Variants in SPMIP2 observed in about 807,000 individuals in gnomAD.
The protein encoded by SPMIP2 is protein SPMIP2.
At chr4:158,986,788 A>C in the SPMIP2 span, among the ~76,000 whole-genome samples, 1 of 151,960 alleles carries the variant, frequency 6.6e-6, no homozygotes, top group African/African-American at 2.4e-5. Context: ...AATGGGATCT[A>C]ATCAAACTAA....
chr4:159,024,318 T>G, the SPMIP2 span, among the ~76,000 whole-genome samples: 11 of 152,206 alleles, frequency 7.2e-5, no homozygotes, highest in Non-Finnish European at 1.3e-4. Context: ...ATATCTTTGG[T>G]CAAAGGGGGC....
the SPMIP2 span, among the ~76,000 whole-genome samples, chr4:158,898,465 C>T: frequency 6.6e-6 from 1 of 152,132 alleles, no homozygotes; most frequent in Non-Finnish European, 1.5e-5. Flanking sequence ...TCTTCCTATC[C>T]ATGAGCATGG....
the SPMIP2 span, among the ~76,000 whole-genome samples, chr4:158,952,310 G>T: frequency 1.3e-5 from 2 of 152,176 alleles, no homozygotes; most frequent in African/African-American, 4.8e-5. Context: ...CCCACATGTT[G>T]TGGGAAGGAC....
the SPMIP2 span, among the ~76,000 whole-genome samples, chr4:159,076,976 C>T: frequency 2.0e-5 from 3 of 152,034 alleles, no homozygotes; most frequent in South Asian, 4.1e-4. Context: ...TCTGGGATTA[C>T]AGGCACCTGC....
chr4:158,986,852 A>G, the SPMIP2 span, among the ~76,000 whole-genome samples: 9 of 146,114 alleles, frequency 6.2e-5, no homozygotes, highest in Admixed American at 2.1e-4. Flanking sequence ...GCAACCTACA[A>G]AATGGGAGAA....
At chr4:158,949,680 A>G in the SPMIP2 span, among the ~76,000 whole-genome samples, 1 of 152,152 alleles carries the variant, frequency 6.6e-6, no homozygotes, top group Non-Finnish European at 1.5e-5. Flanking sequence ...CATCTCCTTT[A>G]TTACTTACTT....
the SPMIP2 span, chr4:158,915,439 C>T: frequency 1.6e-5 from 20 of 1,234,118 alleles, 1 homozygote; most frequent in South Asian, 3.0e-4. Flanking sequence ...TGAGATTTGT[C>T]TGTTTTTCTA....
At chr4:158,902,803 C>CTCAAG in the SPMIP2 span, among the ~76,000 whole-genome samples, 2 of 152,216 alleles carry the variant, frequency 1.3e-5, no homozygotes, top group East Asian at 3.9e-4. Flanking sequence ...AAACCGCTTA[C>CTCAAG]TCAAGTCTCA....
At chr4:158,952,474 T>C in the SPMIP2 span, among the ~76,000 whole-genome samples, 12 of 152,226 alleles carry the variant, frequency 7.9e-5, no homozygotes, top group African/African-American at 2.2e-4. Context: ...TCCCCAGCCA[T>C]GTGGAACTAA....
chr4:158,947,544 C>G, the SPMIP2 span, among the ~76,000 whole-genome samples: 2 of 152,188 alleles, frequency 1.3e-5, no homozygotes, highest in East Asian at 3.8e-4. Flanking sequence ...GCCCTAACTA[C>G]TAACATTCCT....
At chr4:158,895,966 G>A in the SPMIP2 span, 2 of 802,238 alleles carry the variant, frequency 2.5e-6, no homozygotes, top group African/African-American at 3.4e-5. Context: ...CTCAGGCCCT[G>A]GTAACCCATC....
chr4:159,053,864 G>A, the SPMIP2 span, among the ~76,000 whole-genome samples: 84 of 151,766 alleles, frequency 5.5e-4, no homozygotes, highest in Non-Finnish European at 1.2e-3. Context: ...TGAGGTGGGA[G>A]GATTGCTTGA....
At chr4:159,064,514 T>A in the SPMIP2 span, 3 of 152,196 alleles carry the variant, frequency 2.0e-5, no homozygotes, top group African/African-American at 7.2e-5. Context: ...CTGTTTCTTG[T>A]TTGAAAGAAA....
chr4:158,988,924 T>G, the SPMIP2 span, among the ~76,000 whole-genome samples: 2 of 152,158 alleles, frequency 1.3e-5, no homozygotes, highest in Admixed American at 1.3e-4. Flanking sequence ...GGTATTCACA[T>G]AGGAAGAGAG....
At chr4:158,926,512 G>C in the SPMIP2 span, among the ~76,000 whole-genome samples, 1 of 151,528 alleles carries the variant, frequency 6.6e-6, no homozygotes, top group African/African-American at 2.4e-5. Flanking sequence ...TTTTATTATG[G>C]CTGAAGATGT....
At chr4:158,959,441 TA>T in the SPMIP2 span, among the ~76,000 whole-genome samples, 6 of 18,400 alleles carry the variant, frequency 3.3e-4, no homozygotes, top group South Asian at 0.28. Context: ...CCCACTAAGG[TA>T]TTTTTTTTGT....
the SPMIP2 span, among the ~76,000 whole-genome samples, chr4:158,935,597 T>A: frequency 1.3e-5 from 2 of 152,256 alleles, no homozygotes; most frequent in Admixed American, 6.5e-5. Flanking sequence ...TGACGGAAAT[T>A]GTGACTGCAC....
chr4:158,893,722 A>G, the SPMIP2 span: 14 of 1,574,538 alleles, frequency 8.9e-6, no homozygotes, highest in Non-Finnish European at 8.7e-7. Flanking sequence ...CCTTTTCTGT[A>G]AGAGAAGTAA....
At chr4:158,937,978 C>T in the SPMIP2 span, among the ~76,000 whole-genome samples, 2 of 152,246 alleles carry the variant, frequency 1.3e-5, no homozygotes, top group African/African-American at 4.8e-5. Context: ...CCCAAGACAG[C>T]AAAAATGTTT....
Sources: gnomAD v4.1 joint callset for allele counts (sites outside exome capture counted in the v4.1 genomes callset) on GRCh38, gnomAD v4.1.1 for gene constraint, MANE v1.5 for transcripts, NCBI Gene and HGNC (gene_info 2026-07-23, HGNC 2026-07-21) for gene names.